The following ATRNL1 variants were observed in gnomAD, a reference collection of about 807,000 sequenced individuals.
ATRNL1 encodes the protein attractin-like protein 1.
ATRNL1 carries 95 observed loss-of-function variants against 182.7 expected under a neutral mutation model. The observed-to-expected ratio is 0.52, with a 90% CI of 0.44 to 0.62. The LOEUF is 0.62. Among genes scored for constraint, ATRNL1 ranks in the 20% least tolerant of loss-of-function variants. The pLI is 0.00. For synonymous variants in ATRNL1, 576 were observed against 568.3 expected (o/e 1.01, Z -0.19); for missense variants, 1,471 against 1,679.5 (o/e 0.88, Z 2.17).
chr10:115,157,221 A>G (rs1220487859), intron 5 of ATRNL1, among the ~76,000 whole-genome samples: 1 of 152,108 alleles, frequency 6.6e-6, no homozygotes, highest in Non-Finnish European at 1.5e-5. Flanking sequence ...ATAATTGTTC[A>G]GTATCAGAAA....
intron 8 of ATRNL1, among the ~76,000 whole-genome samples, chr10:115,182,715 A>G (rs940762131): frequency 6.6e-6 from 1 of 151,476 alleles, no homozygotes; most frequent in Admixed American, 6.6e-5. Flanking sequence ...ACATTATACA[A>G]GAATACCTTA....
intron 26 of ATRNL1, among the ~76,000 whole-genome samples, chr10:115,666,519 C>G (rs976417666): frequency 6.6e-6 from 1 of 152,080 alleles, no homozygotes; most frequent in Non-Finnish European, 1.5e-5. Context: ...TTGGAACTAC[C>G]TTTAGGGGTA....
chr10:115,799,425 G>A (rs1555083824), intron 27 of ATRNL1, among the ~76,000 whole-genome samples: 2 of 152,194 alleles, frequency 1.3e-5, no homozygotes, highest in Non-Finnish European at 2.9e-5. Flanking sequence ...ATGCTGGACA[G>A]GGAAAAATCA....
chr10:115,110,325 G>A (rs1177075523), intron 1 of ATRNL1, among the ~76,000 whole-genome samples: 1 of 152,146 alleles, frequency 6.6e-6, no homozygotes, highest in Non-Finnish European at 1.5e-5. Context: ...GGAAGCTAAA[G>A]ACTCAAAGCA....
At chr10:115,298,493 A>G (rs782094653) in intron 15 of ATRNL1, among the ~76,000 whole-genome samples, 27 of 152,108 alleles carry the variant, frequency 1.8e-4, no homozygotes, top group Non-Finnish European at 2.9e-4. Context: ...TGTCTTGACT[A>G]TAGATAGTTC....
chr10:115,429,826 G>A (rs1554963599), intron 21 of ATRNL1, among the ~76,000 whole-genome samples: 2 of 152,070 alleles, frequency 1.3e-5, no homozygotes, highest in African/African-American at 4.8e-5. Context: ...CCAGCACTTT[G>A]GGAGGCCACA....
At chr10:115,389,545 T>C (rs1416460725) in intron 19 of ATRNL1, among the ~76,000 whole-genome samples, 1 of 9,710 alleles carries the variant, frequency 1.0e-4, no homozygotes, top group African/African-American at 5.3e-4. Flanking sequence ...TATGTGTATA[T>C]ATATATATAT....
intron 24 of ATRNL1, among the ~76,000 whole-genome samples, chr10:115,478,513 A>G (rs891632807): frequency 1.3e-5 from 2 of 151,692 alleles, no homozygotes; most frequent in South Asian, 4.1e-4. Flanking sequence ...CAGTTATACA[A>G]TCTCTTTTCC....
chr10:115,371,996 G>C (rs1857419892), intron 19 of ATRNL1, among the ~76,000 whole-genome samples: 1 of 152,124 alleles, frequency 6.6e-6, no homozygotes, highest in African/African-American at 2.4e-5. Flanking sequence ...TTGAAAAAGG[G>C]GAGTTTCTCT....
At chr10:115,221,164 C>T (rs556582257) in intron 9 of ATRNL1, among the ~76,000 whole-genome samples, 3 of 152,236 alleles carry the variant, frequency 2.0e-5, no homozygotes, top group South Asian at 2.1e-4. Flanking sequence ...GGCAGTAATG[C>T]GAGTGATGGA....
intron 28 of ATRNL1, among the ~76,000 whole-genome samples, chr10:115,940,495 G>T (rs7897649): frequency 0.082 from 12,441 of 152,174 alleles, 1,488 homozygotes; most frequent in African/African-American, 0.26. Context: ...TTTATACATG[G>T]TCTGGGCATT....
chr10:115,103,357 C>G (rs1198996974), intron 1 of ATRNL1, among the ~76,000 whole-genome samples: 1 of 151,866 alleles, frequency 6.6e-6, no homozygotes, highest in South Asian at 2.1e-4. Context: ...TGATTTTATA[C>G]CAAAATATTT....
intron 21 of ATRNL1, among the ~76,000 whole-genome samples, chr10:115,447,490 C>T (rs1042341915): frequency 2.6e-5 from 4 of 151,558 alleles, no homozygotes; most frequent in Non-Finnish European, 5.9e-5. Flanking sequence ...ACTTAATCAT[C>T]CATAAAAATT....
chr10:115,245,880 T>C (rs1171554335), intron 10 of ATRNL1, among the ~76,000 whole-genome samples: 2 of 152,204 alleles, frequency 1.3e-5, no homozygotes, highest in Non-Finnish European at 2.9e-5. Flanking sequence ...AATTTCTTTG[T>C]AGATCAGGAA....
chr10:115,232,940 G>A (rs1443488993), intron 9 of ATRNL1, among the ~76,000 whole-genome samples: 7 of 152,054 alleles, frequency 4.6e-5, no homozygotes, highest in Admixed American at 4.6e-4. Flanking sequence ...TCACAGTTCT[G>A]GTGGCTAAAA....
intron 8 of ATRNL1, among the ~76,000 whole-genome samples, chr10:115,193,042 T>C (rs1848227977): frequency 6.6e-6 from 1 of 151,998 alleles, no homozygotes; most frequent in South Asian, 2.1e-4. Flanking sequence ...TTTCTTTCTA[T>C]TTAGGATGTC....
chr10:115,750,048 A>C (rs554001471), intron 27 of ATRNL1, among the ~76,000 whole-genome samples: 1 of 151,918 alleles, frequency 6.6e-6, no homozygotes, highest in African/African-American at 2.4e-5. Context: ...TCATTTATAC[A>C]TTTTAAATAG....
At chr10:115,905,396 T>G (rs1221365478) in intron 28 of ATRNL1, among the ~76,000 whole-genome samples, 1 of 151,488 alleles carries the variant, frequency 6.6e-6, no homozygotes, top group Admixed American at 6.6e-5. Context: ...AATTTTTTTT[T>G]TTTTTTTAAG....
intron 26 of ATRNL1, among the ~76,000 whole-genome samples, chr10:115,632,858 A>C (rs1227149443): frequency 1.1e-5 from 1 of 93,936 alleles, no homozygotes; most frequent in Admixed American, 1.4e-4. Flanking sequence ...AGGGCCTCAC[A>C]TTAACTTTTT....
Sources: allele counts gnomAD v4.1 joint callset (sites outside exome capture counted in the v4.1 genomes callset), GRCh38; gene constraint gnomAD v4.1.1; transcripts MANE v1.5; gene names NCBI Gene and HGNC (gene_info 2026-07-23, HGNC 2026-07-21).